Variants in AFG2A observed in about 807,000 individuals in gnomAD.
The protein encoded by AFG2A is AAA ATPase AFG2A, also known as ATPase family gene 2 protein homolog A.
At chr4:123,140,399 C>T in the AFG2A span, among the ~76,000 whole-genome samples, 1 of 151,910 alleles carries the variant, frequency 6.6e-6, no homozygotes. Context: ...ATGCAAATAG[C>T]CTTCTAAATG....
the AFG2A span, among the ~76,000 whole-genome samples, chr4:123,293,988 T>A: frequency 6.6e-6 from 1 of 152,224 alleles, no homozygotes. Flanking sequence ...ATTTGGGCTA[T>A]GATTATTCAC....
chr4:123,036,895 CT>C, the AFG2A span, among the ~76,000 whole-genome samples: 6 of 152,166 alleles, frequency 3.9e-5, no homozygotes, highest in Middle Eastern at 3.4e-3. Flanking sequence ...CTTTGAAGTG[CT>C]TTCCCAGAAT....
At chr4:122,990,628 T>G in the AFG2A span, among the ~76,000 whole-genome samples, 126,480 of 152,154 alleles carry the variant, frequency 0.83, 53,726 homozygotes, top group East Asian at 0.96. Context: ...CTGTCTTCCA[T>G]GCTGGAGTGC....
At chr4:123,314,165 TG>T in the AFG2A span, 1 of 1,003,442 alleles carries the variant, frequency 1.0e-6, no homozygotes, top group African/African-American at 1.7e-5. Context: ...CTAGGCAAAA[TG>T]TTTGAAGTAT....
the AFG2A span, among the ~76,000 whole-genome samples, chr4:122,965,064 T>C: frequency 1.2e-4 from 18 of 152,324 alleles, no homozygotes; most frequent in South Asian, 3.5e-3. Context: ...TATGTGAGTA[T>C]ATCATTAGCA....
the AFG2A span, chr4:122,938,230 T>C: frequency 6.3e-7 from 1 of 1,599,588 alleles, no homozygotes; most frequent in Non-Finnish European, 8.5e-7. Context: ...CTCTTAACAC[T>C]GATGGATGGC....
chr4:123,131,796 ATATC>A, the AFG2A span, among the ~76,000 whole-genome samples: 1 of 152,172 alleles, frequency 6.6e-6, no homozygotes, highest in Admixed American at 6.5e-5. Flanking sequence ...TGGTGTGTGA[ATATC>A]TATTTGAGAT....
At chr4:123,115,708 C>G in the AFG2A span, among the ~76,000 whole-genome samples, 2 of 152,102 alleles carry the variant, frequency 1.3e-5, no homozygotes, top group African/African-American at 4.8e-5. Context: ...CCTGCAACCC[C>G]ACCTGCACCC....
At chr4:123,012,167 T>G in the AFG2A span, among the ~76,000 whole-genome samples, 56 of 72,644 alleles carry the variant, frequency 7.7e-4, no homozygotes, top group Admixed American at 1.2e-3. Flanking sequence ...GGAGAAGGGG[T>G]GGGTAGAGAC....
the AFG2A span, among the ~76,000 whole-genome samples, chr4:122,960,254 T>A: frequency 6.6e-6 from 1 of 152,180 alleles, no homozygotes; most frequent in African/African-American, 2.4e-5. Context: ...TTTTATTAAT[T>A]CCCTCAAAAT....
At chr4:123,142,849 A>G in the AFG2A span, among the ~76,000 whole-genome samples, 2 of 152,256 alleles carry the variant, frequency 1.3e-5, no homozygotes, top group South Asian at 4.1e-4. Flanking sequence ...GGATCAGAAG[A>G]GATAATTTAT....
chr4:123,296,188 A>T, the AFG2A span, among the ~76,000 whole-genome samples: 1 of 152,112 alleles, frequency 6.6e-6, no homozygotes, highest in African/African-American at 2.4e-5. Flanking sequence ...AAAAAAAAAA[A>T]ATCAAACCTG....
At chr4:123,218,289 CAG>C in the AFG2A span, among the ~76,000 whole-genome samples, 1 of 152,148 alleles carries the variant, frequency 6.6e-6, no homozygotes, top group Non-Finnish European at 1.5e-5. Flanking sequence ...TGGAAGAAAA[CAG>C]AGACTTTTGC....
chr4:122,956,168 A>G, the AFG2A span, among the ~76,000 whole-genome samples: 1 of 152,240 alleles, frequency 6.6e-6, no homozygotes, highest in Admixed American at 6.5e-5. Flanking sequence ...ATAATGATAA[A>G]CTACTCATAA....
At chr4:123,093,740 C>G in the AFG2A span, among the ~76,000 whole-genome samples, 1 of 152,140 alleles carries the variant, frequency 6.6e-6, no homozygotes, top group Admixed American at 6.5e-5. Flanking sequence ...GAGTAAAAAT[C>G]TCTGGATACC....
the AFG2A span, among the ~76,000 whole-genome samples, chr4:123,262,000 T>G: frequency 6.6e-6 from 1 of 152,086 alleles, no homozygotes; most frequent in African/African-American, 2.4e-5. Flanking sequence ...GGTCTTAAAC[T>G]CCTGGCCTCA....
At chr4:122,924,457 A>G in the AFG2A span, among the ~76,000 whole-genome samples, 1 of 152,114 alleles carries the variant, frequency 6.6e-6, no homozygotes, top group Non-Finnish European at 1.5e-5. Context: ...AACTTTTGGT[A>G]TTGTTGACCA....
chr4:123,082,211 A>G, the AFG2A span, among the ~76,000 whole-genome samples: 2 of 152,012 alleles, frequency 1.3e-5, no homozygotes, highest in African/African-American at 4.8e-5. Flanking sequence ...TCCATACCCA[A>G]GGTCATCTTG....
chr4:123,199,430 A>G, the AFG2A span, among the ~76,000 whole-genome samples: 1 of 145,228 alleles, frequency 6.9e-6, no homozygotes, highest in Admixed American at 6.9e-5. Flanking sequence ...AAGAAACTAA[A>G]TTATGGAATC....
Sources: gnomAD v4.1 joint callset for allele counts (sites outside exome capture counted in the v4.1 genomes callset) on GRCh38, gnomAD v4.1.1 for gene constraint, MANE v1.5 for transcripts, NCBI Gene and HGNC (gene_info 2026-07-23, HGNC 2026-07-21) for gene names.